The following DAGLB variants were observed in gnomAD, a reference collection of about 807,000 sequenced individuals.
DAGLB encodes the protein diacylglycerol lipase-beta.
DAGLB carries 66 observed loss-of-function variants against 72.1 expected under a neutral mutation model. The ratio of observed to expected loss-of-function variants is 0.92; its 90% CI spans 0.75 to 1.12. DAGLB has a LOEUF of 1.12. Among genes scored for constraint, DAGLB ranks in the 50% most tolerant of loss-of-function variants. The probability of loss-of-function intolerance (pLI) is 0.00; values close to 1 mark genes in which losing one functional copy is unlikely to be tolerated. For synonymous variants in DAGLB, 414 were observed against 359.5 expected, an observed-to-expected ratio of 1.15 and a Z score of -1.71; for missense variants, 1,065 against 884.9, an observed-to-expected ratio of 1.20 and a Z score of -2.58.
intron 2 of DAGLB, among the ~76,000 whole-genome samples, chr7:6,444,579 G>A (rs1200379197): frequency 2.0e-5 from 3 of 152,146 alleles, no homozygotes; most frequent in Non-Finnish European, 2.9e-5. Context: ...TCCAGCCTGC[G>A]CAGCGGAGGG....
chr7:6,418,933 G>C (rs1297224834), intron 9 of DAGLB, among the ~76,000 whole-genome samples: 1 of 151,994 alleles, frequency 6.6e-6, no homozygotes, highest in Non-Finnish European at 1.5e-5. Context: ...CAAAGTGCTG[G>C]GATTACAGGC....
At position 6,416,667 on chromosome 7, in the gene DAGLB, C is replaced by T; in HGVS notation, c.1387G>A (p.Val463Ile). 1 of 1,613,664 alleles carries T rather than the reference C, an allele frequency of 6.2e-7. No homozygotes were observed. The highest frequency in any genetic ancestry group is 8.5e-7 in the Non-Finnish European group (1 of 1,179,832). Residue 463 changes from valine to isoleucine, a missense_variant, in exon 11 of 15, where the codon GTC becomes ATC. Coordinates refer to ENST00000297056, the MANE Select transcript of DAGLB (RefSeq NM_139179.4). ...ATMLRAAYPQ[V>I]RCYAFSPPRG... is the part of the protein sequence containing the mutation. ...GGTGGGGAGAAGGCGTAGCACCTGACCTGCGGGTAGGCGGCTCTGAGCATG... is the reference window on the plus strand; with the variant it reads ...GGTGGGGAGAAGGCGTAGCACCTGATCTGCGGGTAGGCGGCTCTGAGCATG...
At chr7:6,438,664 C>G (rs1183285777) in intron 2 of DAGLB, among the ~76,000 whole-genome samples, 2 of 152,134 alleles carry the variant, frequency 1.3e-5, no homozygotes, top group African/African-American at 2.4e-5. Context: ...ACTGTGATGA[C>G]AACTGCTGAT....
intron 2 of DAGLB, among the ~76,000 whole-genome samples, chr7:6,440,095 A>C (rs1404120249): frequency 6.6e-6 from 1 of 151,104 alleles, no homozygotes; most frequent in Non-Finnish European, 1.5e-5. Flanking sequence ...CCACAGTATC[A>C]AAGTTTTCCT....
intron 2 of DAGLB, among the ~76,000 whole-genome samples, chr7:6,444,998 G>C (rs564944125): frequency 1.3e-5 from 2 of 152,042 alleles, no homozygotes; most frequent in South Asian, 2.1e-4. Context: ...TATAATAAGA[G>C]CGTTGGGCAA....
intron 1 of DAGLB, among the ~76,000 whole-genome samples, chr7:6,447,402 G>A (rs1340734210): frequency 6.6e-6 from 1 of 152,220 alleles, no homozygotes; most frequent in African/African-American, 2.4e-5. Context: ...AGAACTCGAG[G>A]CCAAGGCTTT....
At position 6,409,705 on chromosome 7, in the gene DAGLB, A is replaced by G; in HGVS notation, c.*132T>C. 9.4e-7 allele frequency: 1 copy of G among 1,062,448 alleles called. No homozygotes were observed. The highest frequency in any genetic ancestry group is 1.3e-6 in the Non-Finnish European group (1 of 746,738). 65.8% of individuals were successfully genotyped at this position (1,062,448 alleles called of 1,614,324 possible). ...AAACTTAAGTCATTGAGACCATGGAATTCTGTTCCCATCCGATTCCTGTTG... is the reference window on the plus strand; with the variant it reads ...AAACTTAAGTCATTGAGACCATGGAGTTCTGTTCCCATCCGATTCCTGTTG... On this transcript the variant is annotated 3_prime_UTR_variant, in exon 15 of 15. Coordinates refer to ENST00000297056, the MANE Select transcript of DAGLB (RefSeq NM_139179.4).
chr7:6,434,899 A>G lies in DAGLB; in HGVS notation c.541T>C (p.Leu181=). 6.2e-7 allele frequency: 1 copy of G among 1,614,194 alleles called. No individual in the cohort carries two copies. Among genetic ancestry groups the G allele is most frequent in the Non-Finnish European group, 8.5e-7 (1 of 1,180,044 alleles). ...GCTGCTGTCTTGAGGCCATTAAGTA[A>G]CTGGCTTGAATCATGACTATCCAGG... is the stretch of plus-strand genomic sequence containing the variant. ...SHLDSHDSSQ[L]LNGLKTAATS... is the part of the protein sequence containing the mutation. Residue 181 remains leucine (L), a synonymous_variant, in exon 4 of 15, where the codon TTA becomes CTA. Coordinates refer to ENST00000297056, the MANE Select transcript of DAGLB (RefSeq NM_139179.4).
At chr7:6,410,531 G>T in intron 13 of DAGLB, 151 bp from the exon 14 acceptor site, 3 of 1,214,000 alleles carry the variant, frequency 2.5e-6, no homozygotes, top group Non-Finnish European at 2.2e-6. Context: ...CCGGCGAGCT[G>T]TGCTGGGTGG....
rs1458578076 is a variant in DAGLB at position 6,447,827 on chromosome 7, G to C, written c.16C>G (p.Leu6Val). Residue 6 changes from leucine (L) to valine (V), a missense_variant, in exon 1 of 15, where the codon CTC becomes GTC. Coordinates refer to ENST00000297056, the MANE Select transcript of DAGLB (RefSeq NM_139179.4). ...GCGATGGCCCAGCGCCGGCCGAAGA[G>C]TACCATCCCCGGCATGGCGAAGGTC... MPGMV[L>V]FGRRWAIASD... 3.1e-6 allele frequency: 5 copies of C among 1,612,462 alleles called. No homozygotes were observed. The East Asian group carries it at 1.1e-4, about 36-fold the overall frequency.
At chr7:6,429,245 C>T (rs960128306) in intron 6 of DAGLB, among the ~76,000 whole-genome samples, 1 of 152,040 alleles carries the variant, frequency 6.6e-6, no homozygotes, top group African/African-American at 2.4e-5. Context: ...TGTCATGGAC[C>T]ATTCCCGCCA....
chr7:6,417,117 C>T (rs1388297633), intron 9 of DAGLB, 196 bp from the exon 10 acceptor site: 3 of 612,516 alleles, frequency 4.9e-6, no homozygotes, highest in Non-Finnish European at 8.5e-6. Flanking sequence ...AAGCAGGTGC[C>T]AGGTGTGGTG....
At chr7:6,430,755 TC>T in intron 5 of DAGLB, 148 bp from the exon 6 acceptor site, 5 of 887,060 alleles carry the variant, frequency 5.6e-6, no homozygotes, top group Non-Finnish European at 7.7e-6. Flanking sequence ...GCAAAACTGC[TC>T]CTTCAATAAG....
rs147460524 is a variant in DAGLB, at chr7:6,435,005, A to G, written c.435T>C (p.Ala145=). Residue 145 remains alanine, a synonymous_variant, in exon 4 of 15, where the codon GCT becomes GCC. Coordinates refer to ENST00000297056, the MANE Select transcript of DAGLB (RefSeq NM_139179.4). The part of the protein sequence containing the change: ...ATVVVSWIII[A]ATVVSIIIVF... ...CAATGATAATGGAAACCACTGTGGC[A>G]GCGATGATGATCCAACTGCAAGACA... 6 of 1,613,388 alleles carry G rather than the reference A, an allele frequency of 3.7e-6. No individual in the cohort carries two copies. The highest frequency in any genetic ancestry group is 2.7e-5 in the African/African-American group (2 of 74,908).
rs185023987 is a variant in DAGLB at position 6,446,144 on chromosome 7, C to T, written c.96-40G>A. Reference sequence around the variant, plus strand: ...AAAGGGAAGGGTCAGAAATGAAATCCAAGGAGCTGCTGTGTAGAACATGAT... The same window carrying T: ...AAAGGGAAGGGTCAGAAATGAAATCTAAGGAGCTGCTGTGTAGAACATGAT... On this transcript the variant is annotated intron_variant, in intron 1 of 14. Transcript: ENST00000297056. 3.4e-4 allele frequency: 539 copies of T among 1,575,354 alleles called. 3 individuals are homozygous for T. In the East Asian group the frequency reaches 9.2e-3, roughly 27 times the overall value.
intron 8 of DAGLB, 144 bp downstream of exon 8, chr7:6,424,607 AC>A (rs1476823661): frequency 5.5e-6 from 4 of 732,038 alleles, no homozygotes; most frequent in African/African-American, 5.2e-5. Flanking sequence ...GTATTTCCCA[AC>A]CCCAGGCTCA....
At chr7:6,413,205 G>A (rs187254386) in intron 11 of DAGLB, among the ~76,000 whole-genome samples, 171 bp from the exon 12 acceptor site, 3 of 152,310 alleles carry the variant, frequency 2.0e-5, no homozygotes, top group Admixed American at 2.0e-4. Context: ...TCACTGGCCA[G>A]ATCCTACTAA....
intron 8 of DAGLB, 79 bp downstream of exon 8, chr7:6,424,673 G>A (rs973348051): frequency 1.7e-5 from 24 of 1,385,544 alleles, no homozygotes; most frequent in Admixed American, 1.2e-4. Context: ...GGTTACTGAC[G>A]GATTTCCCCA....
intron 9 of DAGLB, among the ~76,000 whole-genome samples, chr7:6,419,335 C>G (rs749684741): frequency 2.0e-5 from 3 of 152,142 alleles, no homozygotes; most frequent in African/African-American, 4.8e-5. Context: ...TGCCCTTTCT[C>G]TCTCCTGCGA....
Sources: gnomAD v4.1 joint callset for allele counts (sites outside exome capture counted in the v4.1 genomes callset) on GRCh38, gnomAD v4.1.1 for gene constraint, MANE v1.5 for transcripts, NCBI Gene and HGNC (gene_info 2026-07-23, HGNC 2026-07-21) for gene names.